RIT2: variants seen among roughly 807,000 people sequenced by gnomAD.
The protein encoded by RIT2 is Ras like without CAAX 2.
A neutral mutation model predicts 23.7 loss-of-function variants in RIT2; 24 were observed. The observed-to-expected ratio is 1.01, with a 90% CI of 0.73 to 1.43. RIT2 has a LOEUF of 1.43. Ranked by LOEUF, RIT2 falls within the 40% of genes most tolerant of loss-of-function variation. RIT2 has a pLI of 0.00. For missense variants in RIT2, 236 were observed against 266.9 expected (o/e 0.88, Z 0.81); for synonymous variants, 107 against 91.1 (o/e 1.17, Z -0.99).
At position 43,020,738 on chromosome 18, in the gene RIT2, G is replaced by A. The variant is rs77961145; in HGVS notation, c.160+13073C>T. Among the ~76,000 whole-genome samples the A allele has an allele frequency of 2.6e-4, 39 of 152,124 alleles. No homozygotes were observed. The East Asian group carries it at 4.5e-3, about 17-fold the overall frequency. On this transcript the variant is annotated intron_variant, in intron 2 of 4. Coordinates refer to ENST00000326695, the MANE Select transcript of RIT2 (RefSeq NM_002930.4). Reference sequence around the variant, plus strand: ...TTATAGCCAATTGATTTTCAACAAAGTTGCCAAGAACATGCATTGGGAAAA... The same window carrying A: ...TTATAGCCAATTGATTTTCAACAAAATTGCCAAGAACATGCATTGGGAAAA...
intron 1 of RIT2, among the ~76,000 whole-genome samples, chr18:43,094,114 G>GTTTTTTTTT (rs796958736): frequency 1.3e-4 from 8 of 63,484 alleles, no homozygotes; most frequent in African/African-American, 1.8e-4. Context: ...GTATTAGTGG[G>GTTTTTTTTT]TTTTTTTTGT....
intron 1 of RIT2, among the ~76,000 whole-genome samples, chr18:43,046,146 AT>A (rs1326572976): frequency 3.3e-5 from 5 of 152,168 alleles, no homozygotes; most frequent in Admixed American, 3.3e-4. Flanking sequence ...ATGTAACAGA[AT>A]CATGCAAAAA....
At chr18:42,940,272 A>ATATG in intron 3 of RIT2, among the ~76,000 whole-genome samples, 1 of 142,192 alleles carries the variant, frequency 7.0e-6, no homozygotes, top group Non-Finnish European at 1.5e-5. Context: ...ATATATATGC[A>ATATG]CACACACATT....
chr18:43,087,202 A>G (rs1913304842), intron 1 of RIT2, among the ~76,000 whole-genome samples: 1 of 152,046 alleles, frequency 6.6e-6, no homozygotes. Flanking sequence ...AGATCACACC[A>G]CTGCAGTCTA....
intron 1 of RIT2, among the ~76,000 whole-genome samples, chr18:43,075,530 T>C (rs982273046): frequency 5.3e-5 from 8 of 152,224 alleles, no homozygotes; most frequent in African/African-American, 1.9e-4. Context: ...CATACATATA[T>C]TTTGCTTTAT....
intron 2 of RIT2, among the ~76,000 whole-genome samples, chr18:43,002,718 T>G (rs1911135849): frequency 6.6e-6 from 1 of 151,970 alleles, no homozygotes; most frequent in East Asian, 1.9e-4. Context: ...TAACACCTGT[T>G]GTCGGAGGAA....
chr18:42,945,651 T>G (rs2144164983), intron 3 of RIT2, among the ~76,000 whole-genome samples: 1 of 152,272 alleles, frequency 6.6e-6, no homozygotes, highest in East Asian at 1.9e-4. Context: ...AATGTCATCA[T>G]TTTGTACTGG....
intron 2 of RIT2, among the ~76,000 whole-genome samples, chr18:43,008,333 G>T (rs1440033732): frequency 6.6e-6 from 1 of 151,446 alleles, no homozygotes. Flanking sequence ...TATTAAGAGA[G>T]TGGGGAAAAT....
intron 2 of RIT2, among the ~76,000 whole-genome samples, chr18:43,024,707 AAAC>A (rs141467663): frequency 0.26 from 38,389 of 150,172 alleles, 5,091 homozygotes; most frequent in Admixed American, 0.32. Flanking sequence ...GAACTCAAAC[AAAC>A]AACAACAACA....
intron 1 of RIT2, among the ~76,000 whole-genome samples, chr18:43,072,796 T>C (rs1463811621): frequency 4.6e-5 from 7 of 152,194 alleles, no homozygotes; most frequent in Admixed American, 4.6e-4. Context: ...AATCTCTTAC[T>C]GGAATTGACA....
chr18:42,896,139 C>T (rs1300168646), intron 4 of RIT2, among the ~76,000 whole-genome samples: 1 of 152,192 alleles, frequency 6.6e-6, no homozygotes, highest in Non-Finnish European at 1.5e-5. Flanking sequence ...TGGCAAGCGC[C>T]TGTAATCCCA....
chr18:42,985,512 C>T (rs1910689127), intron 2 of RIT2, among the ~76,000 whole-genome samples: 1 of 152,070 alleles, frequency 6.6e-6, no homozygotes, highest in East Asian at 1.9e-4. Context: ...ACTGTTAATT[C>T]ATAGCAGTTA....
intron 4 of RIT2, among the ~76,000 whole-genome samples, chr18:42,761,516 C>T (rs1376679343): frequency 6.6e-6 from 1 of 152,076 alleles, no homozygotes; most frequent in African/African-American, 2.4e-5. Flanking sequence ...GACTTGAAAA[C>T]CTGACCCCTA....
chr18:42,926,485 T>C (rs1429103819), intron 3 of RIT2, among the ~76,000 whole-genome samples: 4 of 151,968 alleles, frequency 2.6e-5, no homozygotes, highest in African/African-American at 9.7e-5. Flanking sequence ...AATATATTTC[T>C]ATGTGAGACA....
intron 1 of RIT2, among the ~76,000 whole-genome samples, chr18:43,060,133 A>G (rs1300016472): frequency 6.6e-6 from 1 of 152,176 alleles, no homozygotes; most frequent in Non-Finnish European, 1.5e-5. Flanking sequence ...GTAGAATTTT[A>G]GATCTAAAGC....
intron 4 of RIT2, among the ~76,000 whole-genome samples, chr18:42,864,762 C>G (rs952677731): frequency 2.6e-5 from 4 of 152,160 alleles, no homozygotes; most frequent in African/African-American, 9.7e-5. Flanking sequence ...TGACTTCAAC[C>G]CACAAGCTTA....
chr18:42,970,489 A>G (rs540018763), intron 3 of RIT2, among the ~76,000 whole-genome samples: 1 of 152,196 alleles, frequency 6.6e-6, no homozygotes, highest in South Asian at 2.1e-4. Flanking sequence ...GATGAAGTGC[A>G]GGACATGCTA....
chr18:42,902,354 T>C (rs1944410), intron 4 of RIT2, among the ~76,000 whole-genome samples: 3,397 of 151,672 alleles, frequency 0.022, 125 homozygotes, highest in African/African-American at 0.076. Context: ...TGTAAAACCC[T>C]AAAGTAAAGC....
chr18:43,088,234 A>G (rs1913332122), intron 1 of RIT2, among the ~76,000 whole-genome samples: 1 of 152,220 alleles, frequency 6.6e-6, no homozygotes, highest in South Asian at 2.1e-4. Flanking sequence ...TAATGACATT[A>G]TCTGAAGCAG....
Sources: allele counts gnomAD v4.1 joint callset (sites outside exome capture counted in the v4.1 genomes callset), GRCh38; gene constraint gnomAD v4.1.1; transcripts MANE v1.5; gene names NCBI Gene and HGNC (gene_info 2026-07-23, HGNC 2026-07-21).